Variants in ANK3 observed in about 807,000 individuals in gnomAD.
ANK3 encodes ankyrin 3.
Under a neutral mutation model 370.9 loss-of-function variants are expected in ANK3, and 57 were observed. That is an observed-to-expected ratio of 0.15 (90% CI 0.12 to 0.19). The LOEUF (loss-of-function observed/expected upper bound fraction) is 0.19. Among genes scored for constraint, ANK3 ranks in the 10% least tolerant of loss-of-function variants. ANK3 has a pLI of 1.00. For missense variants in ANK3, 4,439 were observed against 5,302.1 expected (o/e 0.84, Z 5.06); for synonymous variants, 1,929 against 1,946.3 (o/e 0.99, Z 0.23).
chr10:60,499,084 C>T (rs2075731322), intron 2 of ANK3, among the ~76,000 whole-genome samples: 1 of 152,114 alleles, frequency 6.6e-6, no homozygotes, highest in Non-Finnish European at 1.5e-5. Context: ...TTATATTGTC[C>T]TCCAGGATGT....
At chr10:60,478,330 C>T (rs969716744) in intron 2 of ANK3, among the ~76,000 whole-genome samples, 2 of 151,978 alleles carry the variant, frequency 1.3e-5, no homozygotes, top group Non-Finnish European at 2.9e-5. Flanking sequence ...ACATATTTTT[C>T]TGCAATGCTA....
chr10:60,332,368 C>T (rs2051564252), intron 1 of ANK3, among the ~76,000 whole-genome samples: 1 of 152,264 alleles, frequency 6.6e-6, no homozygotes, highest in East Asian at 1.9e-4. Flanking sequence ...AGAAGCTCAC[C>T]TCATATCAAG....
At chr10:60,376,569 C>T (rs2060806643) in intron 1 of ANK3, among the ~76,000 whole-genome samples, 1 of 152,222 alleles carries the variant, frequency 6.6e-6, no homozygotes, top group Non-Finnish European at 1.5e-5. Flanking sequence ...AGACCAGAAA[C>T]TGGACTCATA....
upstream of ANK3, among the ~76,000 whole-genome samples, chr10:60,392,001 C>G (rs564679219): frequency 2.0e-5 from 3 of 152,116 alleles, no homozygotes; most frequent in Non-Finnish European, 4.4e-5. Context: ...CTTTTATCTT[C>G]CATTTCTAAA....
intron 28 of ANK3, among the ~76,000 whole-genome samples, chr10:60,093,179 C>G (rs1257544074): frequency 1.3e-5 from 2 of 152,276 alleles, no homozygotes; most frequent in East Asian, 3.9e-4. Context: ...AATATATTTC[C>G]CTCTCCATGA....
chr10:60,665,879 T>C (rs2133376466), intron 1 of ANK3, among the ~76,000 whole-genome samples: 1 of 152,328 alleles, frequency 6.6e-6, no homozygotes, highest in Admixed American at 6.5e-5. Flanking sequence ...TCACACTCAT[T>C]AGGATCACTA....
intron 1 of ANK3, among the ~76,000 whole-genome samples, chr10:60,297,616 G>A (rs575233711): frequency 7.8e-4 from 118 of 152,072 alleles, no homozygotes; most frequent in Admixed American, 2.0e-3. Context: ...TTTACTTTGC[G>A]ACTAAAAATG....
chr10:60,473,966 CAAAAA>C (rs139841930), intron 2 of ANK3, among the ~76,000 whole-genome samples: 6 of 92,686 alleles, frequency 6.5e-5, no homozygotes, highest in Non-Finnish European at 1.0e-4. Flanking sequence ...CCTGTTTCTA[CAAAAA>C]AAAAAAAAAA....
chr10:60,173,679 G>A (rs1464495151), intron 18 of ANK3, among the ~76,000 whole-genome samples: 1 of 152,190 alleles, frequency 6.6e-6, no homozygotes, highest in Non-Finnish European at 1.5e-5. Context: ...AAAAGGAAGA[G>A]GGAGGCTGGT....
chr10:60,729,390 G>T (rs1341073725), intron 1 of ANK3, among the ~76,000 whole-genome samples: 1 of 152,092 alleles, frequency 6.6e-6, no homozygotes, highest in Non-Finnish European at 1.5e-5. Flanking sequence ...TGACATAATA[G>T]CTACCAATAA....
At chr10:60,283,230 T>TA (rs2098192398) in intron 1 of ANK3, among the ~76,000 whole-genome samples, 1 of 152,180 alleles carries the variant, frequency 6.6e-6, no homozygotes, top group Admixed American at 6.5e-5. Context: ...ATCCTTCGTG[T>TA]AAAAAACACA....
Position 60,071,540 on chromosome 10 carries a change from A to G in ANK3, c.9341T>C (p.Val3114Ala), listed in dbSNP as rs181031970. ...QYEKEIQQGGVKKIISQECKT... is the reference protein window; with the variant it reads ...QYEKEIQQGGAKKIISQECKT... ...ACATTCCTGACTTATGATTTTTTTT[A>G]CACCTCCTTGTTGTATCTCCTTTTC... The change falls in exon 37 of 44, where the codon GTA becomes GCA. Residue 3114 changes from valine (V) to alanine (A), a missense_variant. Val to Ala is a moderately conservative substitution (Grantham distance 64). This residue lies in a region of ANK3 where 1,601 missense variants were observed against 1,731.7 expected (regional missense o/e 0.92). Transcript: ENST00000280772. 4.7e-5 allele frequency: 76 copies of G among 1,613,878 alleles called. No homozygotes were observed. In the Admixed American group the frequency reaches 8.2e-4, roughly 17 times the overall value.
chr10:60,312,790 A>G (rs1031650701), intron 1 of ANK3, among the ~76,000 whole-genome samples: 1 of 152,230 alleles, frequency 6.6e-6, no homozygotes, highest in African/African-American at 2.4e-5. Context: ...TTCAAAAATC[A>G]GATGTTTTAA....
chr10:60,089,979 A>C (rs2087804066), intron 28 of ANK3, among the ~76,000 whole-genome samples: 1 of 152,172 alleles, frequency 6.6e-6, no homozygotes, highest in South Asian at 2.1e-4. Context: ...ATCACATCTT[A>C]TTGTATATAA....
At chr10:60,140,567 A>T in intron 23 of ANK3, 1 of 1,380,246 alleles carries the variant, frequency 7.2e-7, no homozygotes, top group Non-Finnish European at 9.3e-7. Context: ...CCCCACTCAG[A>T]GTTCGAAGAT....
In ANK3 at chr10:60,051,898, T is replaced by C. The variant is rs532939181; in HGVS notation, c.13065+3760A>G. 1.4e-4 allele frequency among the ~76,000 whole-genome samples: 21 copies of C among 152,248 alleles called. No homozygotes were observed. In the South Asian group the frequency reaches 4.4e-3, roughly 32 times the overall value. ...ACTACAATTAAATCATTCATATTCCTTTTAAAACTAGTTTAAAATCTATAT... is the reference window on the plus strand; with the variant it reads ...ACTACAATTAAATCATTCATATTCCCTTTAAAACTAGTTTAAAATCTATAT... On this transcript the variant is annotated intron_variant, in intron 42 of 43. Coordinates refer to ENST00000280772, the MANE Select transcript of ANK3 (RefSeq NM_020987.5).
At chr10:60,638,928 C>T (rs576624312) in intron 1 of ANK3, among the ~76,000 whole-genome samples, 17 of 83,558 alleles carry the variant, frequency 2.0e-4, no homozygotes, top group African/African-American at 6.6e-4. Flanking sequence ...TAATTGTAGT[C>T]TCAAAGAAAG....
chr10:60,355,548 G>A (rs934070949), intron 1 of ANK3, among the ~76,000 whole-genome samples: 4 of 152,118 alleles, frequency 2.6e-5, no homozygotes, highest in African/African-American at 9.7e-5. Flanking sequence ...TGAGGTATCT[G>A]AAGCCAAAAA....
intron 1 of ANK3, among the ~76,000 whole-genome samples, chr10:60,375,572 T>C (rs1005071623): frequency 2.0e-5 from 3 of 152,156 alleles, no homozygotes; most frequent in African/African-American, 7.2e-5. Flanking sequence ...CTTCACTGAC[T>C]GTCGGGGTGC....
Sources: allele counts gnomAD v4.1 joint callset (sites outside exome capture counted in the v4.1 genomes callset), GRCh38; gene constraint gnomAD v4.1.1; regional missense constraint gnomAD v4.1.1; transcripts MANE v1.5; gene names NCBI Gene and HGNC (gene_info 2026-07-23, HGNC 2026-07-21).